The following SARM1 variants were observed in gnomAD, a reference collection of about 807,000 sequenced individuals.
SARM1 encodes the protein sterile alpha and TIR motif containing 1, also known as NAD(+) hydrolase SARM1.
SARM1 carries 60 observed loss-of-function variants against 65.1 expected under a neutral mutation model. The observed-to-expected ratio is 0.92, with a 90% confidence interval of 0.75 to 1.14. The LOEUF is 1.14. Ranked by LOEUF, SARM1 falls within the 50% of genes most tolerant of loss-of-function variation. SARM1 has a pLI of 0.00. For synonymous variants in SARM1, 417 were observed against 465.4 expected (o/e 0.90, Z 1.34); for missense variants, 913 against 1,015.7 (o/e 0.90, Z 1.37).
intron 7 of SARM1, 114 bp downstream of exon 7, chr17:28,388,653 C>A: frequency 9.3e-7 from 1 of 1,079,172 alleles, no homozygotes; most frequent in Non-Finnish European, 1.3e-6. Flanking sequence ...CCTGAAGCAC[C>A]TCCTTGGCCC....
In SARM1 at chr17:28,384,478, C is replaced by T. The variant is rs2068039420; in HGVS notation, c.1211C>T (p.Pro404Leu). 1 of 1,613,588 alleles carries T rather than the reference C, an allele frequency of 6.2e-7. No homozygotes were observed. The highest frequency in any genetic ancestry group is 1.3e-5 in the African/African-American group (1 of 74,946). ...LRLLGEEVPR[P>L]ILPSVPSWKE... ...CTGCTGGGCGAGGAGGTGCCACGGC[C>T]CATCCTGCCCTCCGTGCCCAGCTGG... The change falls in exon 3 of 9, where the codon CCC becomes CTC. Residue 404 changes from proline to leucine, a missense_variant. Physicochemically the swap from Pro to Leu is moderately conservative, Grantham distance 98. Around this residue, in one of 3 missense-constraint regions of SARM1, gnomAD observed 862 missense variants for 952.1 expected, o/e 0.91. Coordinates refer to ENST00000585482, the MANE Select transcript of SARM1 (RefSeq NM_015077.4). This position sits in a 1 kb window ranked among gnomAD's most constrained non-coding sequence, Gnocchi z 4.4.
chr17:28,402,614 G>A lies in SARM1; in HGVS notation c.*6328G>A, dbSNP rs2068210778. 7.2e-6 allele frequency: 2 copies of A among 278,404 alleles called. No homozygotes were observed. Among genetic ancestry groups the A allele is most frequent in the South Asian group, 1.1e-4 (2 of 18,698 alleles). The allele number at this position is 278,404 out of a possible 1,614,324, so 17.2% of individuals were successfully genotyped here. A position where few individuals can be genotyped will look rare whatever the true frequency, so the allele number is the denominator to read the frequency against. On this transcript the variant is annotated 3_prime_UTR_variant, in exon 9 of 9. Coordinates refer to ENST00000585482, the MANE Select transcript of SARM1 (RefSeq NM_015077.4). ...CACCCACCCACTTGGCACTTAGTAGGGATATGGCAGGGCACAGAAAACAAG... is the reference window on the plus strand; with the variant it reads ...CACCCACCCACTTGGCACTTAGTAGAGATATGGCAGGGCACAGAAAACAAG...
chr17:28,395,636 T>G, intron 7 of SARM1: 1 of 376,006 alleles, frequency 2.7e-6, no homozygotes, highest in South Asian at 3.4e-5. Context: ...GGGCCCCCAG[T>G]GGGGAATCAT....
rs1247620376 is a variant in SARM1, at chr17:28,402,217, C to T, written c.*5931C>T. On this transcript the variant is annotated 3_prime_UTR_variant, in exon 9 of 9. Coordinates refer to ENST00000585482, the MANE Select transcript of SARM1 (RefSeq NM_015077.4). ...AGCACTGGACATGAGGAACCAGACA[C>T]AGGTGGGTTCTGACACTCACCCTGC... is the stretch of plus-strand genomic sequence containing the variant. 1 of 1,604,900 alleles carries T rather than the reference C, an allele frequency of 6.2e-7. No individual in the cohort carries two copies. The highest frequency in any genetic ancestry group is 8.5e-7 in the Non-Finnish European group (1 of 1,174,414).
In SARM1 at chr17:28,400,037, G is replaced by A. The variant is rs782455755; in HGVS notation, c.*3751G>A. The A allele has an allele frequency of 2.9e-6, 1 of 347,742 alleles. No homozygotes were observed. Among genetic ancestry groups the A allele is most frequent in the Non-Finnish European group, 5.4e-6 (1 of 184,474 alleles). The allele number at this position is 347,742 out of a possible 1,614,324, so 21.5% of individuals were successfully genotyped here. Reference sequence around the variant, plus strand: ...GCCTCCTTAGTAGCTGGGACTACCAGTGCATACCACCATGCCTGGGTGATT... The same window carrying A: ...GCCTCCTTAGTAGCTGGGACTACCAATGCATACCACCATGCCTGGGTGATT... On this transcript the variant is annotated 3_prime_UTR_variant, in exon 9 of 9. Transcript: ENST00000585482.
In SARM1 at chr17:28,385,117, T is replaced by TG. The variant is rs1555585821; in HGVS notation, c.1475dup (p.Ser493GlnfsTer28). 6.2e-7 allele frequency: 1 copy of TG among 1,613,592 alleles called. No homozygotes were observed. On this transcript the variant is annotated frameshift_variant, in exon 5 of 9. Transcript: ENST00000585482. LOFTEE classifies it high-confidence loss of function. The surrounding 1 kb of genome is among the most constrained non-coding windows in gnomAD (Gnocchi z 4.5). ...GACCGCAGCAACCTGGCGGACTGGC[T>TG]GGGCAGCCTGGACCCGCGCTTCCGC...
rs1555585853 is a variant in SARM1 at position 28,385,188 on chromosome 17, C to T, written c.1543C>T (p.Leu515=). Residue 515 remains leucine (L), a synonymous_variant, in exon 5 of 9, where the codon CTG becomes TTG. Coordinates refer to ENST00000585482, the MANE Select transcript of SARM1 (RefSeq NM_015077.4). The surrounding 1 kb of genome is among the most constrained non-coding windows in gnomAD (Gnocchi z 4.5). The stretch of plus-strand genomic sequence containing the variant: ...CAGCTGCGGCCTGGACCGCTCCCTG[C>T]TGCACCGCGTGTCTGAGCAGCAGCT... The part of the protein sequence containing the change: ...LVSCGLDRSL[L]HRVSEQQLLE... 1.2e-6 allele frequency: 2 copies of T among 1,608,526 alleles called. No individual in the cohort carries two copies. Among genetic ancestry groups the T allele is most frequent in the South Asian group, 2.2e-5 (2 of 90,440 alleles).
Position 28,381,764 on chromosome 17 carries a change from C to T in SARM1, c.1032C>T (p.Ile344=), listed in dbSNP as rs782552796. Residue 344 remains isoleucine, a synonymous_variant, in exon 2 of 9, where the codon ATC becomes ATT. Transcript: ENST00000585482. ...CTAACCGCTTGGAGGCGCAGTGCAT[C>T]GGGGCTTTCTACCTCTGCGCCGAGG... is the stretch of plus-strand genomic sequence containing the variant. ...LDSNRLEAQC[I]GAFYLCAEAA... 1.1e-5 allele frequency: 16 copies of T among 1,486,742 alleles called. No homozygotes were observed. The highest frequency in any genetic ancestry group is 1.4e-5 in the Non-Finnish European group (16 of 1,118,604). 92.1% of individuals were successfully genotyped at this position (1,486,742 alleles called of 1,614,324 possible).
chr17:28,372,624 T>C lies in SARM1; in HGVS notation c.470+122T>C. 1.4e-6 allele frequency: 1 copy of C among 705,178 alleles called. No individual in the cohort carries two copies. Among genetic ancestry groups the C allele is most frequent in the Non-Finnish European group, 2.2e-6 (1 of 446,574 alleles). The allele number at this position is 705,178 out of a possible 1,614,324, so 43.7% of individuals were successfully genotyped here. A position where few individuals can be genotyped will look rare whatever the true frequency, so the allele number is the denominator to read the frequency against. ...CACCTCTCTGACTGCCTGCACTACA[T>C]CTCTGTTAGGGGTCAGCCTGTCTGT... On this transcript the variant is annotated intron_variant, in intron 1 of 8. Coordinates refer to ENST00000585482, the MANE Select transcript of SARM1 (RefSeq NM_015077.4). The surrounding 1 kb of genome is among the most constrained non-coding windows in gnomAD (Gnocchi z 5.2).
At chr17:28,377,880 T>A (rs2068002075) in intron 1 of SARM1, among the ~76,000 whole-genome samples, 1 of 152,154 alleles carries the variant, frequency 6.6e-6, no homozygotes, top group Non-Finnish European at 1.5e-5. Context: ...GTAATTTTAG[T>A]AGAGATGGGG....
chr17:28,393,048 C>T (rs895331560), intron 7 of SARM1, among the ~76,000 whole-genome samples: 3 of 152,054 alleles, frequency 2.0e-5, no homozygotes, highest in Non-Finnish European at 4.4e-5. Context: ...TAATGGAACC[C>T]GATTACTAGC....
In SARM1 at chr17:28,396,432, A is replaced by G. The variant is rs2068125006; in HGVS notation, c.*146A>G. 1.1e-6 allele frequency: 1 copy of G among 895,358 alleles called. No homozygotes were observed. Among genetic ancestry groups the G allele is most frequent in the Non-Finnish European group, 1.7e-6 (1 of 589,920 alleles). The allele number at this position is 895,358 out of a possible 1,614,324, so 55.5% of individuals were successfully genotyped here. A position where few individuals can be genotyped will look rare whatever the true frequency, so the allele number is the denominator to read the frequency against. ...CTCCCTCCCCCTGTCCCCCACCCTC[A>G]TGGCCCACCTCCAACCCACTTTCCT... On this transcript the variant is annotated 3_prime_UTR_variant, in exon 9 of 9. Transcript: ENST00000585482.
intron 7 of SARM1, among the ~76,000 whole-genome samples, chr17:28,390,889 A>G (rs1486793060): frequency 6.6e-6 from 1 of 152,196 alleles, no homozygotes; most frequent in African/African-American, 2.4e-5. Context: ...TGCTTTCTCC[A>G]TATCACAGAT....
Position 28,384,365 on chromosome 17 carries a change from C to A in SARM1, c.1098C>A (p.Ser366Arg), listed in dbSNP as rs1555585624. The stretch of plus-strand genomic sequence containing the variant: ...CCCCACTCCCTCCCTAGGTGTTCAG[C>A]GACATCGGCGCCATCCAGAGCCTGA... Reference protein sequence around the residue: ...KSLQGKTKVFSDIGAIQSLKR... With the variant: ...KSLQGKTKVFRDIGAIQSLKR... Residue 366 changes from serine (S) to arginine (R), a missense_variant, in exon 3 of 9, where the codon AGC becomes AGA. Ser to Arg is a moderately radical substitution (Grantham distance 110, BLOSUM62 -1). Coordinates refer to ENST00000585482, the MANE Select transcript of SARM1 (RefSeq NM_015077.4). The surrounding 1 kb of genome is among the most constrained non-coding windows in gnomAD (Gnocchi z 4.4). 1.9e-6 allele frequency: 3 copies of A among 1,587,180 alleles called. No homozygotes were observed. The highest frequency in any genetic ancestry group is 1.8e-5 in the Admixed American group (1 of 56,760).
chr17:28,400,366 A>C lies in SARM1; in HGVS notation c.*4080A>C, dbSNP rs1354988500. ...GGGAAATAGGGGAACTGGGAGAGAG[A>C]ACACAGCCTTGCCAAGCAGCAATGT... On this transcript the variant is annotated 3_prime_UTR_variant, in exon 9 of 9. Transcript: ENST00000585482. 1.9e-6 allele frequency: 1 copy of C among 515,714 alleles called. No individual in the cohort carries two copies. Among genetic ancestry groups the C allele is most frequent in the African/African-American group, 1.9e-5 (1 of 52,038 alleles). 31.9% of individuals were successfully genotyped at this position (515,714 alleles called of 1,614,324 possible).
intron 5 of SARM1, chr17:28,387,865 G>C (rs1277559138): frequency 2.6e-6 from 1 of 387,066 alleles, no homozygotes; most frequent in East Asian, 4.4e-5. Context: ...GGAGATTTGG[G>C]GTGTGTTGAA....
Position 28,372,635 on chromosome 17 carries a change from G to GGT in SARM1, c.470+134_470+135dup, listed in dbSNP as rs1260960859. On this transcript the variant is annotated intron_variant, in intron 1 of 8. Transcript: ENST00000585482. The surrounding 1 kb of genome is among the most constrained non-coding windows in gnomAD (Gnocchi z 5.2). Reference sequence around the variant, plus strand: ...CTGCCTGCACTACATCTCTGTTAGGGGTCAGCCTGTCTGTTTCACAGATAA... The same window carrying GGT: ...CTGCCTGCACTACATCTCTGTTAGGGGTGTCAGCCTGTCTGTTTCACAGATAA... 3.0e-6 allele frequency: 2 copies of GGT among 656,844 alleles called. No homozygotes were observed. The highest frequency in any genetic ancestry group is 3.9e-5 in the African/African-American group (2 of 51,688). 40.7% of individuals were successfully genotyped at this position (656,844 alleles called of 1,614,324 possible).
chr17:28,385,695 A>G lies in SARM1; in HGVS notation c.1630+420A>G, dbSNP rs982287798. ...AGAGGCAGCGGCCTATGGAGAGTCC[A>G]TGCAGTGGGGTGTAGGCGGGAAGGG... On this transcript the variant is annotated intron_variant, in intron 5 of 8. Transcript: ENST00000585482. This position sits in a 1 kb window ranked among gnomAD's most constrained non-coding sequence, Gnocchi z 4.5. Among the ~76,000 whole-genome samples, 2 of 152,132 alleles carry G rather than the reference A, an allele frequency of 1.3e-5. No individual in the cohort carries two copies. Among genetic ancestry groups the G allele is most frequent in the African/African-American group, 4.8e-5 (2 of 41,436 alleles).
intron 6 of SARM1, 27 bp downstream of exon 6, chr17:28,388,303 G>A (rs782381095): frequency 3.7e-5 from 59 of 1,591,852 alleles, no homozygotes; most frequent in African/African-American, 2.8e-4. Flanking sequence ...GGGCAGCGAC[G>A]GGGCGTGGGG....
Sources: allele counts gnomAD v4.1 joint callset (sites outside exome capture counted in the v4.1 genomes callset), GRCh38; gene constraint gnomAD v4.1.1; regional missense constraint gnomAD v4.1.1; non-coding constraint Gnocchi (gnomAD v3.1); transcripts MANE v1.5; gene names NCBI Gene and HGNC (gene_info 2026-07-23, HGNC 2026-07-21).